IHO1: variants seen among roughly 807,000 people sequenced by gnomAD.
IHO1 encodes the protein interactor of HORMAD1 protein 1.
Under a neutral mutation model 31.0 loss-of-function variants are expected in IHO1, and 13 were observed. The observed-to-expected ratio is 0.42, with a 90% CI of 0.27 to 0.67. The LOEUF (loss-of-function observed/expected upper bound fraction) is 0.67, where lower values mean the gene tolerates loss of function less well. Ranked by LOEUF, IHO1 falls within the 30% of genes least tolerant of loss-of-function variation. IHO1 has a pLI of 0.24. For missense variants in IHO1, 599 were observed against 687.5 expected, an observed-to-expected ratio of 0.87 and a Z score of 1.44; for synonymous variants, 221 against 248.4, an observed-to-expected ratio of 0.89 and a Z score of 1.04.
At chr3:49,221,287 C>T (rs995737013) in intron 2 of IHO1, among the ~76,000 whole-genome samples, 1 of 150,864 alleles carries the variant, frequency 6.6e-6, no homozygotes, top group African/African-American at 2.5e-5. Context: ...AGACACAGAG[C>T]ACTGATTGGT....
intron 1 of IHO1, among the ~76,000 whole-genome samples, chr3:49,206,912 G>T (rs1298912747): frequency 6.6e-6 from 1 of 151,928 alleles, no homozygotes; most frequent in African/African-American, 2.4e-5. Context: ...GCTAGGTGTG[G>T]TGGCAGATGC....
chr3:49,226,745 G>A (rs1448295724), intron 2 of IHO1, among the ~76,000 whole-genome samples: 1 of 152,210 alleles, frequency 6.6e-6, no homozygotes, highest in Non-Finnish European at 1.5e-5. Context: ...ACAATAGCAT[G>A]ACATCTCTCC....
At chr3:49,214,632 A>ATTTT (rs3083884) in intron 2 of IHO1, among the ~76,000 whole-genome samples, 4 of 5,184 alleles carry the variant, frequency 7.7e-4, no homozygotes, top group Non-Finnish European at 9.7e-4. Context: ...ATATATATAT[A>ATTTT]TTTTTTTTTT....
intron 2 of IHO1, among the ~76,000 whole-genome samples, chr3:49,223,392 C>T (rs932441748): frequency 3.3e-5 from 5 of 152,170 alleles, no homozygotes; most frequent in Non-Finnish European, 5.9e-5. Context: ...GTTATCATGG[C>T]TTTAAAAGCC....
intron 2 of IHO1, among the ~76,000 whole-genome samples, chr3:49,232,013 A>T (rs2046489692): frequency 6.6e-6 from 1 of 152,174 alleles, no homozygotes; most frequent in African/African-American, 2.4e-5. Flanking sequence ...ATGCGTGGAC[A>T]CCTTTTCTTA....
chr3:49,215,108 T>C (rs2046272356), intron 2 of IHO1, among the ~76,000 whole-genome samples: 1 of 151,786 alleles, frequency 6.6e-6, no homozygotes, highest in African/African-American at 2.4e-5. Flanking sequence ...TGGAGTTTAG[T>C]GGCACGATCT....
intron 2 of IHO1, among the ~76,000 whole-genome samples, chr3:49,214,625 TATA>T (rs2046264518): frequency 5.4e-5 from 2 of 36,746 alleles, no homozygotes; most frequent in African/African-American, 1.8e-4. Flanking sequence ...TATATATATA[TATA>T]TATATTTTTT....
intron 1 of IHO1, among the ~76,000 whole-genome samples, chr3:49,207,158 AC>A (rs2046149423): frequency 2.6e-5 from 4 of 151,016 alleles, no homozygotes; most frequent in African/African-American, 2.4e-5. Context: ...TTACTTGATG[AC>A]CGGTTATATT....
chr3:49,240,101 A>T (rs974828898), intron 3 of IHO1, among the ~76,000 whole-genome samples: 1 of 152,086 alleles, frequency 6.6e-6, no homozygotes, highest in Non-Finnish European at 1.5e-5. Flanking sequence ...GCTAGAGTGC[A>T]GTGGCACGAT....
At chr3:49,250,077 T>C (rs2046741839) in intron 6 of IHO1, among the ~76,000 whole-genome samples, 1 of 152,240 alleles carries the variant, frequency 6.6e-6, no homozygotes, top group African/African-American at 2.4e-5. Flanking sequence ...CTAATGTTTA[T>C]AGTCAAAGCA....
intron 1 of IHO1, among the ~76,000 whole-genome samples, chr3:49,205,766 A>T (rs1033166097): frequency 1.4e-3 from 161 of 115,334 alleles, no homozygotes; most frequent in Middle Eastern, 4.7e-3. Flanking sequence ...CGCCTGGGCA[A>T]TTTTTTTTTT....
intron 2 of IHO1, among the ~76,000 whole-genome samples, chr3:49,219,599 T>C (rs1430263182): frequency 3.9e-5 from 6 of 152,196 alleles, no homozygotes; most frequent in Non-Finnish European, 5.9e-5. Context: ...GTGTCTTTAA[T>C]TCTTCTAGTG....
chr3:49,214,030 C>T, intron 2 of IHO1: 1 of 326,648 alleles, frequency 3.1e-6, no homozygotes. Flanking sequence ...CTCTTCATCT[C>T]TTCTGTATCT....
At chr3:49,201,548 G>A (rs753649830) in intron 1 of IHO1, among the ~76,000 whole-genome samples, 9 of 152,082 alleles carry the variant, frequency 5.9e-5, no homozygotes, top group Non-Finnish European at 1.2e-4. Context: ...ACTTGAACCT[G>A]GGAGATGGAG....
chr3:49,196,290 G>A (rs72938828), upstream of IHO1, among the ~76,000 whole-genome samples: 3,865 of 148,216 alleles, frequency 0.026, 161 homozygotes, highest in African/African-American at 0.09. Flanking sequence ...AGGGAGGACC[G>A]AATGGAGCTT....
At chr3:49,249,335 A>G (rs146509494) in intron 6 of IHO1, among the ~76,000 whole-genome samples, 208 of 151,740 alleles carry the variant, frequency 1.4e-3, no homozygotes, top group South Asian at 6.0e-3. Context: ...CAGTGGCGTG[A>G]TCTTGGCTCA....
intron 1 of IHO1, among the ~76,000 whole-genome samples, chr3:49,202,360 C>G (rs956334840): frequency 2.9e-5 from 4 of 136,464 alleles, no homozygotes; most frequent in African/African-American, 1.1e-4. Flanking sequence ...GAGTCTTGCT[C>G]TGTCGCCCAG....
chr3:49,232,836 A>C (rs1300953095), intron 2 of IHO1, among the ~76,000 whole-genome samples: 6 of 152,230 alleles, frequency 3.9e-5, no homozygotes, highest in Non-Finnish European at 8.8e-5. Flanking sequence ...GCTGACACAG[A>C]GAACAATTAT....
chr3:49,213,913 C>A, intron 2 of IHO1: 1 of 376,882 alleles, frequency 2.7e-6, no homozygotes. Context: ...CTGAAGGGCT[C>A]CTCAAGCATG....
Sources: gnomAD v4.1 joint callset for allele counts (sites outside exome capture counted in the v4.1 genomes callset) on GRCh38, gnomAD v4.1.1 for gene constraint, MANE v1.5 for transcripts, NCBI Gene and HGNC (gene_info 2026-07-23, HGNC 2026-07-21) for gene names.